Variants in FOXK1 observed in about 807,000 individuals in gnomAD.
FOXK1 encodes forkhead box K1, also known as forkhead box protein K1.
In FOXK1, 19 loss-of-function variants were observed where a neutral mutation model predicts 51.9. The observed-to-expected ratio is 0.37, with a 90% CI of 0.26 to 0.54. The LOEUF is 0.54. Among genes scored for constraint, FOXK1 ranks in the 20% least tolerant of loss-of-function variants. FOXK1 has a pLI of 0.87. For synonymous variants in FOXK1, 537 were observed against 482.6 expected (o/e 1.11, Z -1.48); for missense variants, 870 against 1,032.7 (o/e 0.84, Z 2.16).
intron 1 of FOXK1, among the ~76,000 whole-genome samples, chr7:4,689,337 A>G (rs1779863810): frequency 6.6e-6 from 1 of 152,174 alleles, no homozygotes; most frequent in Non-Finnish European, 1.5e-5. Flanking sequence ...CTGGGTTGCC[A>G]TGCTCCATCT....
intron 1 of FOXK1, among the ~76,000 whole-genome samples, chr7:4,694,384 TTC>T (rs1385808872): frequency 1.3e-5 from 2 of 152,130 alleles, no homozygotes; most frequent in Non-Finnish European, 1.5e-5. Flanking sequence ...TGGAGGAAAT[TTC>T]TCTCTCTTTC....
chr7:4,737,919 T>C (rs1780576480), intron 1 of FOXK1, among the ~76,000 whole-genome samples: 1 of 152,020 alleles, frequency 6.6e-6, no homozygotes, highest in Non-Finnish European at 1.5e-5. Context: ...GGTCGGGAGT[T>C]CCAGACCAGC....
rs1262371772 is a variant in FOXK1, at chr7:4,722,130, T to C, written c.561-18708T>C. On this transcript the variant is annotated intron_variant, in intron 1 of 8. Transcript: ENST00000328914. The surrounding 1 kb of genome is among the most constrained non-coding windows in gnomAD (Gnocchi z 5.1). ...GGGACTTTGGTGGGGCCTTGGGCTC[T>C]TGGTCACATCCTGCCCTGATTCAGA... Among the ~76,000 whole-genome samples the C allele has an allele frequency of 6.6e-6, 1 of 152,192 alleles. No homozygotes were observed. Among genetic ancestry groups the C allele is most frequent in the Non-Finnish European group, 1.5e-5 (1 of 68,030 alleles).
chr7:4,725,713 A>G (rs1395938740), intron 1 of FOXK1, among the ~76,000 whole-genome samples: 1 of 152,244 alleles, frequency 6.6e-6, no homozygotes. Flanking sequence ...TGCCACTTAC[A>G]TGTGATTTCT....
intron 1 of FOXK1, among the ~76,000 whole-genome samples, chr7:4,704,505 A>C (rs1230205983): frequency 1.3e-5 from 2 of 151,794 alleles, no homozygotes; most frequent in African/African-American, 2.4e-5. Context: ...TCAAAACACA[A>C]ATAAATATTT....
chr7:4,714,516 C>A (rs1473233614), intron 1 of FOXK1, among the ~76,000 whole-genome samples: 1 of 152,218 alleles, frequency 6.6e-6, no homozygotes, highest in African/African-American at 2.4e-5. Context: ...CTCAAGCTAT[C>A]CGCCCACCTC....
chr7:4,690,128 G>T (rs1376831316), intron 1 of FOXK1, among the ~76,000 whole-genome samples: 1 of 152,232 alleles, frequency 6.6e-6, no homozygotes, highest in Non-Finnish European at 1.5e-5. Flanking sequence ...CGGGCATCAG[G>T]TCCGACTCCT....
In FOXK1 at chr7:4,685,221, C is replaced by CTTTTT. The variant is rs55891300; in HGVS notation, c.560+2369_560+2373dup. ...CACCCTCCTAGAAAAGAGCTATTTG[C>CTTTTT]TTTTTTTTTTTTTTTTTTTTCTGTC... On this transcript the variant is annotated intron_variant, in intron 1 of 8. Coordinates refer to ENST00000328914, the MANE Select transcript of FOXK1 (RefSeq NM_001037165.2). 2.4e-4 allele frequency among the ~76,000 whole-genome samples: 25 copies of CTTTTT among 102,624 alleles called. No individual in the cohort carries two copies. The East Asian group carries it at 4.5e-3, about 18-fold the overall frequency. 67.3% of individuals were successfully genotyped at this position (102,624 alleles called of 152,430 possible). A position where few individuals can be genotyped will look rare whatever the true frequency, so the allele number is the denominator to read the frequency against.
chr7:4,735,847 T>C lies in FOXK1; in HGVS notation c.561-4991T>C, dbSNP rs1221080316. Among the ~76,000 whole-genome samples the C allele has an allele frequency of 1.3e-5, 2 of 152,128 alleles. No homozygotes were observed. Among genetic ancestry groups the C allele is most frequent in the African/African-American group, 4.8e-5 (2 of 41,430 alleles). ...TAACTGGCAAACTCCCTGAGCATGCTGGGGAAACATCTATTTAAAAATCAA... is the reference window on the plus strand; with the variant it reads ...TAACTGGCAAACTCCCTGAGCATGCCGGGGAAACATCTATTTAAAAATCAA... On this transcript the variant is annotated intron_variant, in intron 1 of 8. Transcript: ENST00000328914. The surrounding 1 kb of genome is among the most constrained non-coding windows in gnomAD (Gnocchi z 4.7).
intron 1 of FOXK1, among the ~76,000 whole-genome samples, chr7:4,686,616 C>T (rs1011706061): frequency 6.6e-6 from 1 of 152,140 alleles, no homozygotes; most frequent in African/African-American, 2.4e-5. Context: ...AGCGTTTCTT[C>T]TAGACCATAA....
chr7:4,760,908 C>T (rs570006568), intron 7 of FOXK1, among the ~76,000 whole-genome samples, 156 bp from the exon 8 acceptor site: 10 of 152,262 alleles, frequency 6.6e-5, no homozygotes, highest in African/African-American at 2.4e-4. Flanking sequence ...ATTTTCTTCC[C>T]AAACCTATTT....
intron 1 of FOXK1, among the ~76,000 whole-genome samples, chr7:4,716,336 CA>C (rs1310193155): frequency 2.0e-5 from 3 of 151,338 alleles, no homozygotes; most frequent in East Asian, 3.9e-4. Flanking sequence ...CCTGTTTCTA[CA>C]AAAAAAAATT....
rs1780732109 is a variant in FOXK1 at position 4,748,310 on chromosome 7, C to G, written c.747-6149C>G. Among the ~76,000 whole-genome samples the G allele has an allele frequency of 6.6e-6, 1 of 152,112 alleles. No homozygotes were observed. Among genetic ancestry groups the G allele is most frequent in the Non-Finnish European group, 1.5e-5 (1 of 68,014 alleles). On this transcript the variant is annotated intron_variant, in intron 2 of 8. Coordinates refer to ENST00000328914, the MANE Select transcript of FOXK1 (RefSeq NM_001037165.2). The surrounding 1 kb of genome is among the most constrained non-coding windows in gnomAD (Gnocchi z 4.9). ...GTTTTAGATATTACACATGAGGTTC[C>G]TATATGGAAATTAAGGATTTAGCTT...
rs937431452 is a variant in FOXK1, at chr7:4,709,418, C to T, written c.560+26550C>T. Among the ~76,000 whole-genome samples, 3 of 152,290 alleles carry T rather than the reference C, an allele frequency of 2.0e-5. No individual in the cohort carries two copies. The highest frequency in any genetic ancestry group is 1.9e-4 in the East Asian group (1 of 5,160). On this transcript the variant is annotated intron_variant, in intron 1 of 8. Coordinates refer to ENST00000328914, the MANE Select transcript of FOXK1 (RefSeq NM_001037165.2). The surrounding 1 kb of genome is among the most constrained non-coding windows in gnomAD (Gnocchi z 5.6). ...TGGACAGGGCCAGGCTCTTCCCAAG[C>T]GCACAGTCCACATAGGCTGCTTATC...
rs1780095465 is a variant in FOXK1, at chr7:4,706,026, GTATATACGTGTATATACGTGTATATA to G, written c.560+23160_560+23185del. ...TACGTATATATACGTATATATACGT[GTATATACGTGTATATACGTGTATATA>G]TGTATATATATGTGTATATATGTAT... On this transcript the variant is annotated intron_variant, in intron 1 of 8. Coordinates refer to ENST00000328914, the MANE Select transcript of FOXK1 (RefSeq NM_001037165.2). Among the ~76,000 whole-genome samples the G allele has an allele frequency of 9.4e-5, 7 of 74,416 alleles. 1 individual carries two copies. Among genetic ancestry groups the G allele is most frequent in the African/African-American group, 8.3e-4 (7 of 8,418 alleles). The allele number at this position is 74,416 out of a possible 152,430, so 48.8% of individuals were successfully genotyped here.
In FOXK1 at chr7:4,707,179, T is replaced by G. The variant is rs1350302711; in HGVS notation, c.560+24311T>G. 6.6e-6 allele frequency among the ~76,000 whole-genome samples: 1 copy of G among 152,150 alleles called. No individual in the cohort carries two copies. The highest frequency in any genetic ancestry group is 2.4e-5 in the African/African-American group (1 of 41,424). On this transcript the variant is annotated intron_variant, in intron 1 of 8. Coordinates refer to ENST00000328914, the MANE Select transcript of FOXK1 (RefSeq NM_001037165.2). The surrounding 1 kb of genome is among the most constrained non-coding windows in gnomAD (Gnocchi z 4.1). ...CTCTTTGTTACCACCCCTGGTGCGGTGGACACAGACATTGCCCAAACACTA... is the reference window on the plus strand; with the variant it reads ...CTCTTTGTTACCACCCCTGGTGCGGGGGACACAGACATTGCCCAAACACTA...
chr7:4,733,566 G>T lies in FOXK1; in HGVS notation c.561-7272G>T, dbSNP rs1322853855. On this transcript the variant is annotated intron_variant, in intron 1 of 8. Coordinates refer to ENST00000328914, the MANE Select transcript of FOXK1 (RefSeq NM_001037165.2). The surrounding 1 kb of genome is among the most constrained non-coding windows in gnomAD (Gnocchi z 5.0). ...GCTCATAGTCTCATGGTTGCAAGAG[G>T]GGCAGAGAAACATGGTCTTCAGTTG... is the stretch of plus-strand genomic sequence containing the variant. Among the ~76,000 whole-genome samples the T allele has an allele frequency of 6.6e-6, 1 of 152,174 alleles. No homozygotes were observed. The highest frequency in any genetic ancestry group is 1.5e-5 in the Non-Finnish European group (1 of 68,030).
rs1170519878 is a variant in FOXK1 at position 4,703,122 on chromosome 7, G to GCTGGA, written c.560+20259_560+20263dup. Among the ~76,000 whole-genome samples, 2 of 152,162 alleles carry GCTGGA rather than the reference G, an allele frequency of 1.3e-5. No homozygotes were observed. Among genetic ancestry groups the GCTGGA allele is most frequent in the Non-Finnish European group, 2.9e-5 (2 of 68,040 alleles). On this transcript the variant is annotated intron_variant, in intron 1 of 8. Transcript: ENST00000328914. The surrounding 1 kb of genome is among the most constrained non-coding windows in gnomAD (Gnocchi z 5.6). ...TGTGTCGGGGGCTGGGCTGGGCTGG[G>GCTGGA]CTGGACTGGGAAGACTGGCTCTCTC... is the stretch of plus-strand genomic sequence containing the variant.
chr7:4,718,959 G>A (rs912753204), intron 1 of FOXK1, among the ~76,000 whole-genome samples: 7 of 151,054 alleles, frequency 4.6e-5, no homozygotes, highest in Admixed American at 1.3e-4. Flanking sequence ...AGAGGGACCC[G>A]CCACCACGCC....
Sources: gnomAD v4.1 joint callset for allele counts (sites outside exome capture counted in the v4.1 genomes callset) on GRCh38, gnomAD v4.1.1 for gene constraint, Gnocchi (gnomAD v3.1) non-coding constraint, MANE v1.5 for transcripts, NCBI Gene and HGNC (gene_info 2026-07-23, HGNC 2026-07-21) for gene names.